The following HK2 variants were observed in gnomAD, a reference collection of about 807,000 sequenced individuals.
HK2 encodes hexokinase-2.
A neutral mutation model predicts 92.9 loss-of-function variants in HK2; 42 were observed. That is an observed-to-expected ratio of 0.45 (90% confidence interval 0.35 to 0.58). The LOEUF (loss-of-function observed/expected upper bound fraction) is 0.58, where lower values mean the gene tolerates loss of function less well. HK2 is among the 20% of genes least tolerant of loss of function. The pLI is 0.00. For synonymous variants in HK2, 422 were observed against 468.0 expected (o/e 0.90, Z 1.27); for missense variants, 978 against 1,245.1 (o/e 0.79, Z 3.23).
At position 74,891,721 on chromosome 2, in the gene HK2, CATTTTAAT is replaced by C. The variant is rs1406766820; in HGVS notation, c.*781_*788del. The C allele has an allele frequency of 7.0e-6, 1 of 143,710 alleles. No homozygotes were observed. The allele number at this position is 143,710 out of a possible 1,614,324, so 8.9% of individuals were successfully genotyped here. On this transcript the variant is annotated 3_prime_UTR_variant, in exon 18 of 18. Coordinates refer to ENST00000290573, the MANE Select transcript of HK2 (RefSeq NM_000189.5). The stretch of plus-strand genomic sequence containing the variant: ...TGCAAAAGTGGAATCACTGTATTTT[CATTTTAAT>C]TTATATTTGAAATTTTATTTAGTTC...
Position 74,834,770 on chromosome 2 carries a change from G to A in HK2, c.63+127G>A, listed in dbSNP as rs1688109302. ...CCGGGCCTGGGAGCGGAAAAAGTTTGGGCAGCCGGGACACTCCTGGGCGCC... is the reference window on the plus strand; with the variant it reads ...CCGGGCCTGGGAGCGGAAAAAGTTTAGGCAGCCGGGACACTCCTGGGCGCC... On this transcript the variant is annotated intron_variant, in intron 1 of 17. Coordinates refer to ENST00000290573, the MANE Select transcript of HK2 (RefSeq NM_000189.5). The surrounding 1 kb of genome is among the most constrained non-coding windows in gnomAD (Gnocchi z 4.2). The A allele has an allele frequency of 9.7e-7, 1 of 1,029,366 alleles. No individual in the cohort carries two copies. Among genetic ancestry groups the A allele is most frequent in the African/African-American group, 1.6e-5 (1 of 63,620 alleles). 63.8% of individuals were successfully genotyped at this position (1,029,366 alleles called of 1,614,324 possible). A position where few individuals can be genotyped will look rare whatever the true frequency, so the allele number is the denominator to read the frequency against.
rs1689359566 is a variant in HK2, at chr2:74,880,550, T to C, written c.1551T>C (p.Cys517=). ...TCAAGATGCTGCCCACCTACGTGTG[T>C]GCTACCCCGGACGGCACAGGTACAC... The part of the protein sequence containing the change: ...APVKMLPTYV[C]ATPDGTEKGD... Residue 517 remains cysteine, a synonymous_variant, in exon 10 of 18, where the codon TGT becomes TGC. Transcript: ENST00000290573. The C allele has an allele frequency of 1.9e-6, 3 of 1,614,068 alleles. No homozygotes were observed. In the African/African-American group the frequency reaches 4.0e-5, roughly 22 times the overall value.
chr2:74,851,579 G>C (rs1205753279), intron 1 of HK2, among the ~76,000 whole-genome samples: 2 of 152,184 alleles, frequency 1.3e-5, no homozygotes, highest in Non-Finnish European at 2.9e-5. Flanking sequence ...CATGATGATA[G>C]GACCATTTAA....
chr2:74,855,895 C>T (rs929134135), intron 2 of HK2, among the ~76,000 whole-genome samples: 6 of 151,934 alleles, frequency 3.9e-5, no homozygotes, highest in African/African-American at 7.3e-5. Flanking sequence ...AGAAGGGGAC[C>T]GAACAAAGTT....
At chr2:74,854,659 C>T (rs531509592) in intron 2 of HK2, among the ~76,000 whole-genome samples, 2 of 152,312 alleles carry the variant, frequency 1.3e-5, no homozygotes, top group South Asian at 4.1e-4. Context: ...GGGAGGGCAC[C>T]TTTGTCAGCC....
rs1350304723 is a variant in HK2, at chr2:74,834,381, C to G, written c.-200C>G. On this transcript the variant is annotated 5_prime_UTR_variant, in exon 1 of 18. Coordinates refer to ENST00000290573, the MANE Select transcript of HK2 (RefSeq NM_000189.5). The surrounding 1 kb of genome is among the most constrained non-coding windows in gnomAD (Gnocchi z 4.2). ...AGGCGCCTTCTAGCAGTTGTGACGC[C>G]AAAATCACGTCTCCGGAGACCCGCG... 14 of 637,364 alleles carry G rather than the reference C, an allele frequency of 2.2e-5. No homozygotes were observed. Among genetic ancestry groups the G allele is most frequent in the Non-Finnish European group, 3.1e-5 (11 of 353,564 alleles). 39.5% of individuals were successfully genotyped at this position (637,364 alleles called of 1,614,324 possible).
At chr2:74,847,248 C>T (rs1364163280) in intron 1 of HK2, among the ~76,000 whole-genome samples, 1 of 152,206 alleles carries the variant, frequency 6.6e-6, no homozygotes, top group East Asian at 1.9e-4. Context: ...GCCCTGCAGA[C>T]ACAAGTGATG....
intron 1 of HK2, among the ~76,000 whole-genome samples, chr2:74,838,562 G>T (rs1472490320): frequency 2.1e-5 from 3 of 141,228 alleles, no homozygotes; most frequent in African/African-American, 2.6e-5. Flanking sequence ...TTTTTGAGAC[G>T]GAGTCTCGCT....
At chr2:74,875,625 G>A (rs1056153694) in intron 7 of HK2, among the ~76,000 whole-genome samples, 5 of 152,040 alleles carry the variant, frequency 3.3e-5, no homozygotes, top group Non-Finnish European at 5.9e-5. Flanking sequence ...CACCGCGCCC[G>A]GCCTGAGAGT....
chr2:74,843,606 C>T (rs931915760), intron 1 of HK2, among the ~76,000 whole-genome samples: 51 of 152,258 alleles, frequency 3.3e-4, no homozygotes, highest in Non-Finnish European at 5.3e-4. Flanking sequence ...CCTTGGGGCC[C>T]ACCCACCTCC....
intron 7 of HK2, among the ~76,000 whole-genome samples, 154 bp from the exon 8 acceptor site, chr2:74,877,012 G>A (rs542273980): frequency 6.6e-6 from 1 of 152,306 alleles, no homozygotes; most frequent in East Asian, 1.9e-4. Flanking sequence ...GCCCCTCTGA[G>A]CCGTCACCTC....
At chr2:74,879,994 G>A (rs1427940397) in intron 9 of HK2, among the ~76,000 whole-genome samples, 1 of 152,214 alleles carries the variant, frequency 6.6e-6, no homozygotes, top group Non-Finnish European at 1.5e-5. Flanking sequence ...GGAAGAGGAG[G>A]TCTTGTGTGG....
At chr2:74,878,287 CT>C (rs1689282260) in intron 8 of HK2, among the ~76,000 whole-genome samples, 1 of 152,192 alleles carries the variant, frequency 6.6e-6, no homozygotes, top group African/African-American at 2.4e-5. Flanking sequence ...TCTGTCTCCC[CT>C]AACACAAGCA....
intron 16 of HK2, 80 bp downstream of exon 16, chr2:74,888,138 C>A: frequency 1.4e-6 from 2 of 1,478,750 alleles, no homozygotes; most frequent in Non-Finnish European, 1.9e-6. Context: ...ATTTCCATAA[C>A]TCAGGGCATG....
rs139550230 is a variant in HK2, at chr2:74,837,001, G to T, written c.63+2358G>T. ...TGATGGACAAGCCCAGTGTTTTGGGGCATTAGAGATGAGAATCAGGGTTAT... is the reference window on the plus strand; with the variant it reads ...TGATGGACAAGCCCAGTGTTTTGGGTCATTAGAGATGAGAATCAGGGTTAT... On this transcript the variant is annotated intron_variant, in intron 1 of 17. Coordinates refer to ENST00000290573, the MANE Select transcript of HK2 (RefSeq NM_000189.5). Among the ~76,000 whole-genome samples the T allele has an allele frequency of 1.8e-3, 273 of 152,270 alleles. 1 individual carries two copies. Among genetic ancestry groups the T allele is most frequent in the African/African-American group, 6.4e-3 (264 of 41,540 alleles).
intron 7 of HK2, among the ~76,000 whole-genome samples, chr2:74,874,851 A>T (rs990004223): frequency 5.3e-5 from 8 of 152,042 alleles, no homozygotes; most frequent in African/African-American, 1.9e-4. Context: ...CACCACCCAG[A>T]GGACAGGCTG....
chr2:74,857,614 C>A (rs367770065), intron 2 of HK2, among the ~76,000 whole-genome samples: 49 of 152,180 alleles, frequency 3.2e-4, no homozygotes, highest in African/African-American at 1.2e-3. Context: ...CCACTGCACT[C>A]CAGCCTGGGT....
chr2:74,849,697 G>A (rs1036372404), intron 1 of HK2, among the ~76,000 whole-genome samples: 3 of 152,184 alleles, frequency 2.0e-5, no homozygotes, highest in African/African-American at 4.8e-5. Context: ...AGAAAGAAGG[G>A]GTGGAAGGAA....
intron 12 of HK2, among the ~76,000 whole-genome samples, chr2:74,883,913 A>C (rs1162316763): frequency 6.6e-6 from 1 of 152,232 alleles, no homozygotes; most frequent in African/African-American, 2.4e-5. Flanking sequence ...TTTTAATCAC[A>C]TGAAAAATTA....
Sources: gnomAD v4.1 joint callset for allele counts (sites outside exome capture counted in the v4.1 genomes callset) on GRCh38, gnomAD v4.1.1 for gene constraint, Gnocchi (gnomAD v3.1) non-coding constraint, MANE v1.5 for transcripts, NCBI Gene and HGNC (gene_info 2026-07-23, HGNC 2026-07-21) for gene names.